The following CFHR2 variants were observed in gnomAD, a reference collection of about 807,000 sequenced individuals.
CFHR2 encodes the protein complement factor H related 2.
CFHR2 carries 22 observed loss-of-function variants against 21.7 expected under a neutral mutation model. The ratio of observed to expected loss-of-function variants is 1.01; its 90% CI spans 0.72 to 1.45. The LOEUF is 1.45. CFHR2 is among the 40% of genes most tolerant of loss of function. The pLI is 0.00. For missense variants in CFHR2, 294 were observed against 293.3 expected, an observed-to-expected ratio of 1.00 and a Z score of -0.02; for synonymous variants, 98 against 97.4, an observed-to-expected ratio of 1.01 and a Z score of -0.04.
intron 1 of CFHR2, among the ~76,000 whole-genome samples, chr1:196,945,929 G>T (rs201687570): frequency 7.6e-5 from 10 of 130,878 alleles, no homozygotes; most frequent in Non-Finnish European, 1.5e-4. Context: ...TAGCCTACTA[G>T]GTAACTAGGC....
At position 196,957,932 on chromosome 1, in the gene CFHR2, G is replaced by A. The variant is rs772808416; in HGVS notation, c.472G>A (p.Gly158Arg). 1 of 1,613,350 alleles carries A rather than the reference G, an allele frequency of 6.2e-7. No homozygotes were observed. Among genetic ancestry groups the A allele is most frequent in the South Asian group, 1.1e-5 (1 of 91,014 alleles). Reference protein sequence around the residue: ...KCGPPPPIDNGDITSFLLSVY... With the variant: ...KCGPPPPIDNRDITSFLLSVY... ...TGGGCCCCCTCCACCTATTGACAAT[G>A]GAGACATTACTTCATTCCTGTTGTC... is the stretch of plus-strand genomic sequence containing the variant. Residue 158 changes from glycine to arginine, a missense_variant, in exon 4 of 5, where the codon GGA (glycine) becomes AGA (arginine). Physicochemically the swap from Gly to Arg is moderately radical, Grantham distance 125. Coordinates refer to ENST00000367415, the MANE Select transcript of CFHR2 (RefSeq NM_005666.4).
rs1234878639 is a variant in CFHR2 at position 196,954,568 on chromosome 1, G to GA, written c.431-3323_431-3322insA. 7.9e-4 allele frequency among the ~76,000 whole-genome samples: 120 copies of GA among 152,278 alleles called. 2 individuals are homozygous for GA. The East Asian group carries it at 0.021, about 27-fold the overall frequency. ...TACATTTCCCTTCCACTCTGCCCTA[G>GA]CAGAGGTTCTCCATGAACCTGCAGA... On this transcript the variant is annotated intron_variant, in intron 3 of 4. Transcript: ENST00000367415.
intron 3 of CFHR2, among the ~76,000 whole-genome samples, chr1:196,954,335 C>T (rs1202025002): frequency 1.3e-5 from 2 of 152,206 alleles, no homozygotes; most frequent in Non-Finnish European, 2.9e-5. Flanking sequence ...GCTTCCAAGG[C>T]CTTGGGTAGC....
rs754703889 is a variant in CFHR2 at position 196,958,007 on chromosome 1, C to T, written c.547C>T (p.Gln183Ter). ...SVEYQCQNLY[Q>*]LEGNNQITCR... is the part of the protein sequence containing the mutation. ...TGAGTACCAGTGCCAGAACTTGTATCAACTTGAGGGTAACAATCAAATAAC... is the reference window on the plus strand; with the variant it reads ...TGAGTACCAGTGCCAGAACTTGTATTAACTTGAGGGTAACAATCAAATAAC... The change falls in exon 4 of 5, where the codon CAA becomes TAA. Residue 183 changes from glutamine (Q) to a stop codon, truncating the protein, a stop_gained. Coordinates refer to ENST00000367415, the MANE Select transcript of CFHR2 (RefSeq NM_005666.4). LOFTEE classifies it high-confidence loss of function. The T allele has an allele frequency of 1.9e-6, 3 of 1,613,714 alleles. No individual in the cohort carries two copies. The highest frequency in any genetic ancestry group is 2.5e-6 in the Non-Finnish European group (3 of 1,179,754).
intron 3 of CFHR2, among the ~76,000 whole-genome samples, chr1:196,951,749 C>G (rs1659735481): frequency 6.6e-6 from 1 of 152,042 alleles, no homozygotes; most frequent in African/African-American, 2.4e-5. Flanking sequence ...GCTACTATGC[C>G]CAGTAACTTC....
At chr1:196,953,436 C>T (rs762249558) in intron 3 of CFHR2, among the ~76,000 whole-genome samples, 1 of 152,036 alleles carries the variant, frequency 6.6e-6, no homozygotes, top group Non-Finnish European at 1.5e-5. Flanking sequence ...GCATGTGTCA[C>T]CACACCCAGC....
chr1:196,953,058 G>T (rs1652686062), intron 3 of CFHR2, among the ~76,000 whole-genome samples: 2 of 152,074 alleles, frequency 1.3e-5, no homozygotes, highest in Admixed American at 1.3e-4. Flanking sequence ...AAGTTTCAGG[G>T]CAACTAGACT....
intron 3 of CFHR2, among the ~76,000 whole-genome samples, chr1:196,951,412 T>C (rs1659721493): frequency 6.6e-6 from 1 of 152,232 alleles, no homozygotes; most frequent in Admixed American, 6.5e-5. Context: ...CATTTAATAT[T>C]TATCTTTATT....
At position 196,952,991 on chromosome 1, in the gene CFHR2, G is replaced by A. The variant is rs187095960; in HGVS notation, c.430+1963G>A. ...AATCTCCAAAGTGGAAGAATTTAGC[G>A]GAACACTCTATGTCCAAGGTTGAAT... On this transcript the variant is annotated intron_variant, in intron 3 of 4. Coordinates refer to ENST00000367415, the MANE Select transcript of CFHR2 (RefSeq NM_005666.4). Among the ~76,000 whole-genome samples the A allele has an allele frequency of 1.2e-4, 18 of 152,234 alleles. 1 individual carries two copies. Among genetic ancestry groups the A allele is most frequent in the Admixed American group, 2.6e-4 (4 of 15,294 alleles).
In CFHR2 at chr1:196,957,057, G is replaced by A. The variant is rs142102093; in HGVS notation, c.431-834G>A. ...GTGGAGGGTGGTCATTGGCTTCTTA[G>A]GATCTTTCCTACAGTATGTAAGTTA... On this transcript the variant is annotated intron_variant, in intron 3 of 4. Coordinates refer to ENST00000367415, the MANE Select transcript of CFHR2 (RefSeq NM_005666.4). 2.5e-3 allele frequency among the ~76,000 whole-genome samples: 378 copies of A among 152,190 alleles called. 1 individual carries two copies. Among genetic ancestry groups the A allele is most frequent in the Non-Finnish European group, 4.3e-3 (289 of 68,000 alleles).
At position 196,949,534 on chromosome 1, in the gene CFHR2, T is replaced by C. The variant is rs755180345; in HGVS notation, c.138T>C (p.Pro46=). The C allele has an allele frequency of 8.7e-6, 14 of 1,614,012 alleles. No homozygotes were observed. In the South Asian group the frequency reaches 1.1e-4, roughly 13 times the overall value. ...EEKYKPFSQV[P]TGEVFYYSCE... ...AATATAAGCCATTTTCCCAAGTTCCTACAGGGGAAGTTTTCTATTACTCCT... is the reference window on the plus strand; with the variant it reads ...AATATAAGCCATTTTCCCAAGTTCCCACAGGGGAAGTTTTCTATTACTCCT... The change falls in exon 2 of 5, where the codon CCT becomes CCC. Residue 46 remains proline (P), a synonymous_variant. Transcript: ENST00000367415.
At chr1:196,944,856 A>G (rs546871062) in intron 1 of CFHR2, among the ~76,000 whole-genome samples, 1 of 150,134 alleles carries the variant, frequency 6.7e-6, no homozygotes, top group Non-Finnish European at 1.5e-5. Flanking sequence ...AAATGTTGCA[A>G]AATATTATTT....
chr1:196,956,792 G>T (rs1001384976), intron 3 of CFHR2, among the ~76,000 whole-genome samples: 3 of 150,768 alleles, frequency 2.0e-5, no homozygotes, highest in Non-Finnish European at 4.4e-5. Context: ...AGAGTTTCCT[G>T]GTCCTTAATA....
At chr1:196,950,687 G>A (rs1379676463) in intron 2 of CFHR2, among the ~76,000 whole-genome samples, 165 bp from the exon 3 acceptor site, 2 of 152,124 alleles carry the variant, frequency 1.3e-5, no homozygotes, top group Non-Finnish European at 2.9e-5. Flanking sequence ...TGACCAGGCT[G>A]GCCTCGAACT....
chr1:196,954,369 T>G (rs1388411843), intron 3 of CFHR2, among the ~76,000 whole-genome samples: 3 of 152,204 alleles, frequency 2.0e-5, no homozygotes, highest in Admixed American at 2.0e-4. Context: ...CTTTGCAGGG[T>G]TCAGCCCCCA....
intron 3 of CFHR2, among the ~76,000 whole-genome samples, chr1:196,955,707 G>A (rs552051362): frequency 8.0e-6 from 1 of 125,666 alleles, no homozygotes; most frequent in Admixed American, 7.4e-5. Context: ...AATTAGCTGG[G>A]CATGGTGGTG....
Position 196,949,642 on chromosome 1 carries a change from G to A in CFHR2, c.246G>A (p.Lys82=), listed in dbSNP as rs528276977. ...AAGAAGGATGGTCACCAACACCAAAGTGTCTCAGTGAGTAAATGCCCTGTT... is the reference window on the plus strand; with the variant it reads ...AAGAAGGATGGTCACCAACACCAAAATGTCTCAGTGAGTAAATGCCCTGTT... ...CAEEGWSPTP[K]CLRLCFFPFV... is the part of the protein sequence containing the mutation. The change falls in exon 2 of 5, where the codon AAG becomes AAA. Residue 82 remains lysine, a synonymous_variant. Transcript: ENST00000367415. 13 of 1,613,808 alleles carry A rather than the reference G, an allele frequency of 8.1e-6. No homozygotes were observed. The highest frequency in any genetic ancestry group is 1.1e-5 in the Non-Finnish European group (13 of 1,179,778).
chr1:196,954,702 T>C (rs1183103076), intron 3 of CFHR2, among the ~76,000 whole-genome samples: 1 of 152,206 alleles, frequency 6.6e-6, no homozygotes, highest in Non-Finnish European at 1.5e-5. Flanking sequence ...AATCTTGTCT[T>C]CTGTGCACCC....
intron 3 of CFHR2, among the ~76,000 whole-genome samples, chr1:196,956,303 G>A (rs1558272082): frequency 6.6e-6 from 1 of 151,996 alleles, no homozygotes; most frequent in Non-Finnish European, 1.5e-5. Context: ...TGATAGATTT[G>A]GAATAGTTTA....
Sources: gnomAD v4.1 joint callset for allele counts (sites outside exome capture counted in the v4.1 genomes callset) on GRCh38, gnomAD v4.1.1 for gene constraint, MANE v1.5 for transcripts, NCBI Gene and HGNC (gene_info 2026-07-23, HGNC 2026-07-21) for gene names.